The following VTA1 variants were observed in gnomAD, a reference collection of about 807,000 sequenced individuals.
VTA1 encodes vesicle trafficking 1.
VTA1 carries 24 observed loss-of-function variants against 36.9 expected under a neutral mutation model. The ratio of observed to expected loss-of-function variants is 0.65; its 90% confidence interval spans 0.47 to 0.91. The LOEUF is 0.91. Ranked by LOEUF, VTA1 falls within the 40% of genes least tolerant of loss-of-function variation. The probability of loss-of-function intolerance (pLI) is 0.00; values close to 1 mark genes in which losing one functional copy is unlikely to be tolerated. For synonymous variants in VTA1, 142 were observed against 130.2 expected, an observed-to-expected ratio of 1.09 and a Z score of -0.62; for missense variants, 393 against 377.2, an observed-to-expected ratio of 1.04 and a Z score of -0.35.
intron 6 of VTA1, among the ~76,000 whole-genome samples, chr6:142,200,925 ATTATGT>A: frequency 6.6e-6 from 1 of 152,080 alleles, no homozygotes; most frequent in African/African-American, 2.4e-5. Flanking sequence ...CAGCAACTAT[ATTATGT>A]ATTACTGTCT....
At chr6:142,189,900 G>A (rs960290733) in intron 5 of VTA1, among the ~76,000 whole-genome samples, 4 of 152,124 alleles carry the variant, frequency 2.6e-5, no homozygotes, top group Non-Finnish European at 4.4e-5. Flanking sequence ...GGGACTACAG[G>A]CGCCTGCCAC....
chr6:142,213,390 C>T (rs1488469071), intron 7 of VTA1, among the ~76,000 whole-genome samples: 1 of 152,208 alleles, frequency 6.6e-6, no homozygotes, highest in African/African-American at 2.4e-5. Context: ...GCTGCTTTCA[C>T]AGGCTGATGT....
chr6:142,187,912 CT>C (rs58131768), intron 4 of VTA1, among the ~76,000 whole-genome samples: 8,284 of 120,612 alleles, frequency 0.069, 551 homozygotes, highest in African/African-American at 0.21. Flanking sequence ...TACTTTCTTT[CT>C]TTTTTTTTTT....
intron 1 of VTA1, among the ~76,000 whole-genome samples, chr6:142,148,345 G>A (rs1778499082): frequency 6.6e-6 from 1 of 152,080 alleles, no homozygotes; most frequent in Non-Finnish European, 1.5e-5. Context: ...CCACTCTCTT[G>A]GAATGTGCAC....
intron 7 of VTA1, among the ~76,000 whole-genome samples, chr6:142,211,379 A>G (rs1266164012): frequency 4.6e-5 from 7 of 152,166 alleles, no homozygotes; most frequent in African/African-American, 1.4e-4. Flanking sequence ...GGGTTGAGCA[A>G]TGACTTTTTA....
chr6:142,159,649 G>A (rs1244404477), intron 1 of VTA1, among the ~76,000 whole-genome samples: 1 of 151,488 alleles, frequency 6.6e-6, no homozygotes, highest in Non-Finnish European at 1.5e-5. Context: ...TAGTAGCTGG[G>A]ACTACAGGTG....
intron 5 of VTA1, among the ~76,000 whole-genome samples, chr6:142,195,083 A>G (rs1024322919): frequency 6.6e-6 from 1 of 152,150 alleles, no homozygotes; most frequent in Admixed American, 6.5e-5. Context: ...GTTTGGTATC[A>G]GGGTTACACT....
chr6:142,170,252 T>A, intron 3 of VTA1, 94 bp from the exon 4 acceptor site: 1 of 874,398 alleles, frequency 1.1e-6, no homozygotes, highest in Non-Finnish European at 1.8e-6. Context: ...AGTGCTTTTA[T>A]AAAGATAGGA....
chr6:142,219,324 G>A lies in VTA1; in HGVS notation c.*681G>A, dbSNP rs556891544. The A allele has an allele frequency of 4.6e-5, 7 of 152,264 alleles. No homozygotes were observed. Among genetic ancestry groups the A allele is most frequent in the African/African-American group, 1.7e-4 (7 of 41,562 alleles). 9.4% of individuals were successfully genotyped at this position (152,264 alleles called of 1,614,324 possible). The stretch of plus-strand genomic sequence containing the variant: ...ATCTGTTAAAGCGTAAGATGAATTG[G>A]TATTTGCTTCATAGGCAGTTTGACT... On this transcript the variant is annotated 3_prime_UTR_variant, in exon 8 of 8. Transcript: ENST00000367630.
In VTA1 at chr6:142,186,476, G is replaced by C. The variant is rs555222759; in HGVS notation, c.412-2950G>C. On this transcript the variant is annotated intron_variant, in intron 4 of 7. Coordinates refer to ENST00000367630, the MANE Select transcript of VTA1 (RefSeq NM_016485.5). ...AATAGAAGTTGGGACAAATTAGGGG[G>C]CTATTTCAGTGAAAATGGGGAGATG... Among the ~76,000 whole-genome samples, 3 of 152,238 alleles carry C rather than the reference G, an allele frequency of 2.0e-5. No homozygotes were observed. The East Asian group carries it at 5.8e-4, about 29-fold the overall frequency.
chr6:142,154,932 A>AATT (rs1474651962), intron 1 of VTA1, among the ~76,000 whole-genome samples: 1 of 152,076 alleles, frequency 6.6e-6, no homozygotes, highest in African/African-American at 2.4e-5. Context: ...GTTGGATTAA[A>AATT]AACGCAAGCA....
chr6:142,214,924 C>CCCCTTT (rs1255947941), intron 7 of VTA1, among the ~76,000 whole-genome samples: 1 of 152,094 alleles, frequency 6.6e-6, no homozygotes, highest in African/African-American at 2.4e-5. Context: ...AGTACTTATA[C>CCCCTTT]CCCTTTTCTG....
intron 5 of VTA1, among the ~76,000 whole-genome samples, chr6:142,195,737 G>C (rs529709506): frequency 6.7e-6 from 1 of 150,328 alleles, no homozygotes; most frequent in African/African-American, 2.4e-5. Flanking sequence ...GCAAATTTTG[G>C]TATCACTCAG....
In VTA1 at chr6:142,170,374, A is replaced by C. The variant is rs1775005744; in HGVS notation, c.364A>C (p.Ser122Arg). Residue 122 changes from serine to arginine, a missense_variant, in exon 4 of 8, where the codon AGT becomes CGT. Ser to Arg is a moderately radical substitution (Grantham distance 110). Coordinates refer to ENST00000367630, the MANE Select transcript of VTA1 (RefSeq NM_016485.5). ...CATGATCAAGTCCTTCTATACTGCA[A>C]GTCTTTTGATAGATGTCATAACAGT... ...KNMIKSFYTA[S>R]LLIDVITVFG... The C allele has an allele frequency of 2.5e-6, 4 of 1,609,084 alleles. No individual in the cohort carries two copies. In the Admixed American group the frequency reaches 5.0e-5, roughly 20 times the overall value.
chr6:142,173,792 C>T (rs569899099), intron 4 of VTA1, among the ~76,000 whole-genome samples: 1 of 152,110 alleles, frequency 6.6e-6, no homozygotes, highest in African/African-American at 2.4e-5. Context: ...TAATGAAGAA[C>T]CATCTTCCTT....
intron 4 of VTA1, 45 bp downstream of exon 4, chr6:142,170,466 T>C (rs1490101166): frequency 9.3e-6 from 12 of 1,284,480 alleles, no homozygotes; most frequent in South Asian, 4.3e-5. Flanking sequence ...AGATCAGTAA[T>C]GTTTCTGTTT....
At chr6:142,187,045 T>TA (rs1172284361) in intron 4 of VTA1, among the ~76,000 whole-genome samples, 2 of 152,216 alleles carry the variant, frequency 1.3e-5, no homozygotes. Context: ...TGGGCCCAGA[T>TA]ATTTCATTTT....
rs1775919282 is a variant in VTA1, at chr6:142,212,312, G to T, written c.779-6186G>T. 3.3e-5 allele frequency among the ~76,000 whole-genome samples: 5 copies of T among 152,136 alleles called. 1 individual carries two copies. The South Asian group carries it at 1.0e-3, about 31-fold the overall frequency. The stretch of plus-strand genomic sequence containing the variant: ...GGATAAATAAACTGCAGTACATCTA[G>T]ACAATGGGATATTATTCAGTGCTAG... On this transcript the variant is annotated intron_variant, in intron 7 of 7. Transcript: ENST00000367630.
intron 4 of VTA1, among the ~76,000 whole-genome samples, chr6:142,174,066 C>A (rs1242018878): frequency 6.6e-6 from 1 of 152,192 alleles, no homozygotes; most frequent in East Asian, 1.9e-4. Context: ...TGGGATCCCA[C>A]ACACAGTCCC....
Sources: allele counts gnomAD v4.1 joint callset (sites outside exome capture counted in the v4.1 genomes callset), GRCh38; gene constraint gnomAD v4.1.1; transcripts MANE v1.5; gene names NCBI Gene and HGNC (gene_info 2026-07-23, HGNC 2026-07-21).